POLE: variants seen among roughly 807,000 people sequenced by gnomAD.
POLE encodes the protein DNA polymerase epsilon, catalytic subunit.
Under a neutral mutation model 279.2 loss-of-function variants are expected in POLE, and 188 were observed. That is an observed-to-expected ratio of 0.67 (90% CI 0.60 to 0.76). The LOEUF (loss-of-function observed/expected upper bound fraction) is 0.76, where lower values mean the gene tolerates loss of function less well. POLE is among the 30% of genes least tolerant of loss of function. The pLI is 0.00. For synonymous variants in POLE, 1,214 were observed against 1,172.5 expected (o/e 1.04, Z -0.72); for missense variants, 2,703 against 3,016.7 (o/e 0.90, Z 2.44).
At position 132,641,699 on chromosome 12, in the gene POLE, C is replaced by T. The variant is rs748644914; in HGVS notation, c.5326G>A (p.Ala1776Thr). The T allele has an allele frequency of 6.2e-7, 1 of 1,613,814 alleles. No individual in the cohort carries two copies. The highest frequency in any genetic ancestry group is 8.5e-7 in the Non-Finnish European group (1 of 1,180,020). The stretch of plus-strand genomic sequence containing the variant: ...TCATCGTAGCTGGCCGGGGCACTGG[C>T]AGCCTGACCACCCGTGATCATGTCC... ...LEDMITGGQA[A>T]SAPASYDETA... Residue 1776 changes from alanine (A) to threonine (T), a missense_variant, in exon 39 of 49, where the codon GCC becomes ACC. Ala to Thr is a moderately conservative substitution (Grantham distance 58). Transcript: ENST00000320574.
At chr12:132,643,664 G>A in intron 33 of POLE, 104 bp from the exon 34 acceptor site, 1 of 1,531,914 alleles carries the variant, frequency 6.5e-7, no homozygotes, top group Non-Finnish European at 8.9e-7. Flanking sequence ...CAGCTGCCCG[G>A]CCCACTGCCC....
At position 132,679,555 on chromosome 12, in the gene POLE, C is replaced by A. The variant is rs1250780418; in HGVS notation, c.520G>T (p.Val174Leu). 1 of 1,614,092 alleles carries A rather than the reference C, an allele frequency of 6.2e-7. No homozygotes were observed. The highest frequency in any genetic ancestry group is 8.5e-7 in the Non-Finnish European group (1 of 1,179,940). The change falls in exon 6 of 49, where the codon GTG (valine) becomes TTG (leucine). Residue 174 changes from valine (V) to leucine (L), a missense_variant. Val to Leu is a conservative substitution (Grantham distance 32, BLOSUM62 1). Transcript: ENST00000320574. ...VKVRKEISPA[V>L]KKNREQDHAS... ...TGATCCTGCTCCCTGTTCTTCTTCA[C>A]GGCAGGGGAGATCTCCTTCCTCACT...
Position 132,642,903 on chromosome 12 carries a change from G to A in POLE, c.4645C>T (p.Pro1549Ser), listed in dbSNP as rs147500308. 1.2e-6 allele frequency: 2 copies of A among 1,613,720 alleles called. No individual in the cohort carries two copies. Among genetic ancestry groups the A allele is most frequent in the Non-Finnish European group, 1.7e-6 (2 of 1,179,876 alleles). Residue 1549 changes from proline to serine, a missense_variant, in exon 36 of 49, where the codon CCC becomes TCC. By Grantham distance (74) the Pro-to-Ser change is moderately conservative (BLOSUM62 -1). Around this residue, in one of 5 missense-constraint regions of POLE, gnomAD observed 1,551 missense variants for 1,686.1 expected, o/e 0.92. Transcript: ENST00000320574. ...EKVGPELLPP[P>S]KHTFEVRAET... ...GCCCGAACTTCGAAGGTGTGTTTGGGGGGTGGCAGGAGCTCAGGGCCCACC... is the reference window on the plus strand; with the variant it reads ...GCCCGAACTTCGAAGGTGTGTTTGGAGGGTGGCAGGAGCTCAGGGCCCACC...
At chr12:132,641,928 C>T in intron 38 of POLE, 77 bp from the exon 39 acceptor site, 1 of 1,381,982 alleles carries the variant, frequency 7.2e-7, no homozygotes, top group Non-Finnish European at 1.0e-6. Flanking sequence ...TGACTCCAGC[C>T]ACCACCACCT....
chr12:132,640,112 C>T (rs1387104066), intron 39 of POLE, among the ~76,000 whole-genome samples: 5 of 152,186 alleles, frequency 3.3e-5, no homozygotes, highest in Non-Finnish European at 5.9e-5. Context: ...ACCATTCAGG[C>T]GCTCGCCCGT....
Position 132,642,854 on chromosome 12 carries a change from C to T in POLE, c.4694G>A (p.Cys1565Tyr), listed in dbSNP as rs2138539330. The change falls in exon 36 of 49, where the codon TGC becomes TAC. Residue 1565 changes from cysteine (C) to tyrosine (Y), a missense_variant. Coordinates refer to ENST00000320574, the MANE Select transcript of POLE (RefSeq NM_006231.4). ...GAGCAGGAATCGCTGGATGGCTCTGCAGATGGTCTTCAGGTCAGTTTCTGC... is the reference window on the plus strand; with the variant it reads ...GAGCAGGAATCGCTGGATGGCTCTGTAGATGGTCTTCAGGTCAGTTTCTGC... Reference protein sequence around the residue: ...VRAETDLKTICRAIQRFLLAY... With the variant: ...VRAETDLKTIYRAIQRFLLAY... 6.2e-7 allele frequency: 1 copy of T among 1,614,082 alleles called. No individual in the cohort carries two copies. The highest frequency in any genetic ancestry group is 1.3e-5 in the African/African-American group (1 of 75,060).
intron 41 of POLE, among the ~76,000 whole-genome samples, chr12:132,637,731 GA>G (rs1410405983): frequency 2.6e-5 from 4 of 152,142 alleles, no homozygotes; most frequent in Non-Finnish European, 4.4e-5. Flanking sequence ...TATCCATGGG[GA>G]AAAAAAGCAA....
Position 132,641,806 on chromosome 12 carries a change from A to AG in POLE, c.5218dup (p.Leu1740ProfsTer45). The AG allele has an allele frequency of 6.2e-7, 1 of 1,604,582 alleles. No homozygotes were observed. The highest frequency in any genetic ancestry group is 8.5e-7 in the Non-Finnish European group (1 of 1,179,962). ...CATGTCGTTGACATGGTGAGACTGGAGAATGGTGTTGACGGCCAGGTTCTG... is the reference window on the plus strand; with the variant it reads ...CATGTCGTTGACATGGTGAGACTGGAGGAATGGTGTTGACGGCCAGGTTCTG... On this transcript the variant is annotated frameshift_variant, in exon 39 of 49. Transcript: ENST00000320574. LOFTEE classifies it high-confidence loss of function.
At chr12:132,625,956 T>C (rs1476639478) in intron 46 of POLE, 161 bp downstream of exon 46, 14 of 1,089,830 alleles carry the variant, frequency 1.3e-5, no homozygotes, top group Non-Finnish European at 1.8e-5. Context: ...ATTCCGAACA[T>C]GGTGTGGGGA....
chr12:132,661,453 C>T lies in POLE; in HGVS notation c.2864+74G>A, dbSNP rs2042678837. ...GTTTCTATCCTGGCTCCTGATCCAA[C>T]CTCCTTTCTGGGCTAAATTTAATCT... On this transcript the variant is annotated intron_variant, in intron 24 of 48. Coordinates refer to ENST00000320574, the MANE Select transcript of POLE (RefSeq NM_006231.4). This position sits in a 1 kb window ranked among gnomAD's most constrained non-coding sequence, Gnocchi z 4.1. 2 of 1,516,428 alleles carry T rather than the reference C, an allele frequency of 1.3e-6. No homozygotes were observed. Among genetic ancestry groups the T allele is most frequent in the African/African-American group, 1.4e-5 (1 of 72,316 alleles). 93.9% of individuals were successfully genotyped at this position (1,516,428 alleles called of 1,614,324 possible).
Position 132,624,795 on chromosome 12 carries a change from T to A in POLE, c.6763A>T (p.Ile2255Phe), listed in dbSNP as rs73155056. 4.2e-3 allele frequency: 6,838 copies of A among 1,612,582 alleles called. 40 individuals carry two copies. Among genetic ancestry groups the A allele is most frequent in the Non-Finnish European group, 4.0e-3 (4,729 of 1,178,584 alleles). ...TIHTQVFMEQ[I>F]GIFRNIAQHY... ...TGGGCAATGTTCCGGAATATTCCGATCTGTTCCATGAAGACCTGCAGGAAT... is the reference window on the plus strand; with the variant it reads ...TGGGCAATGTTCCGGAATATTCCGAACTGTTCCATGAAGACCTGCAGGAAT... Residue 2255 changes from isoleucine to phenylalanine, a missense_variant, in exon 49 of 49, where the codon ATC (isoleucine) becomes TTC (phenylalanine). Physicochemically the swap from Ile to Phe is conservative, Grantham distance 21 (BLOSUM62 0). This residue lies in a region of POLE where 1,551 missense variants were observed against 1,686.1 expected (regional missense o/e 0.92). Coordinates refer to ENST00000320574, the MANE Select transcript of POLE (RefSeq NM_006231.4).
At position 132,624,223 on chromosome 12, in the gene POLE, A is replaced by C; in HGVS notation, c.*474T>G. ...GTGGGGCCAGCCCATTTCTCCATGC[A>C]AACAGGTGAGACTCCAGCCCCACCA... On this transcript the variant is annotated 3_prime_UTR_variant, in exon 49 of 49. Transcript: ENST00000320574. 4.3e-6 allele frequency: 1 copy of C among 235,112 alleles called. No individual in the cohort carries two copies. The highest frequency in any genetic ancestry group is 6.3e-5 in the East Asian group (1 of 15,892). The allele number at this position is 235,112 out of a possible 1,614,324, so 14.6% of individuals were successfully genotyped here. A position where few individuals can be genotyped will look rare whatever the true frequency, so the allele number is the denominator to read the frequency against.
Position 132,677,412 on chromosome 12 carries a change from TTTCCTCGGTATCTGA to T in POLE, c.737_751del (p.Val246_Asn251delinsAsp). ...GCGGGTGATTTCTACCGGAAAAGCA[TTTCCTCGGTATCTGA>T]CATTGTACCAATGAGCCTGCAAAAC... is the stretch of plus-strand genomic sequence containing the variant. On this transcript the variant is annotated inframe_deletion, in exon 8 of 49. Coordinates refer to ENST00000320574, the MANE Select transcript of POLE (RefSeq NM_006231.4). 3 of 1,614,162 alleles carry T rather than the reference TTTCCTCGGTATCTGA, an allele frequency of 1.9e-6. No individual in the cohort carries two copies. Among genetic ancestry groups the T allele is most frequent in the Non-Finnish European group, 1.7e-6 (2 of 1,180,004 alleles).
intron 32 of POLE, among the ~76,000 whole-genome samples, chr12:132,647,835 C>G (rs987363370): frequency 6.6e-6 from 1 of 152,150 alleles, no homozygotes; most frequent in Admixed American, 6.5e-5. Context: ...GTCCGCTTTC[C>G]TCTTGTTATC....
chr12:132,648,338 G>C (rs985565722), intron 32 of POLE, among the ~76,000 whole-genome samples: 2 of 151,776 alleles, frequency 1.3e-5, no homozygotes, highest in Admixed American at 1.3e-4. Flanking sequence ...TATCCGAATG[G>C]GGGGGTGAGG....
At chr12:132,625,792 G>GAGGTCACCAGCCCAGCCTCC in intron 46 of POLE, 22 bp from the exon 47 acceptor site, 1 of 1,604,674 alleles carries the variant, frequency 6.2e-7, no homozygotes, top group Non-Finnish European at 8.5e-7. Context: ...AAGAGTGCGA[G>GAGGTCACCAGCCCAGCCTCC]AGGTCACCAG....
intron 47 of POLE, 86 bp downstream of exon 47, chr12:132,625,559 A>ACCTG: frequency 6.5e-7 from 1 of 1,542,468 alleles, no homozygotes; most frequent in Non-Finnish European, 8.8e-7. Flanking sequence ...GTGCCTCAGG[A>ACCTG]CCTGCACACA....
rs2138600543 is a variant in POLE at position 132,649,076 on chromosome 12, A to G, written c.4006-4T>C. 6.2e-7 allele frequency: 1 copy of G among 1,610,682 alleles called. No individual in the cohort carries two copies. The highest frequency in any genetic ancestry group is 1.1e-5 in the South Asian group (1 of 90,906). ...CGGCCTGGCTGGTCTCGCTGATCTGAAAGGCCACACGGACATACAGCACAT... is the reference window on the plus strand; with the variant it reads ...CGGCCTGGCTGGTCTCGCTGATCTGGAAGGCCACACGGACATACAGCACAT... On this transcript the variant is annotated splice_region_variant and splice_polypyrimidine_tract_variant and intron_variant, in intron 31 of 48. Coordinates refer to ENST00000320574, the MANE Select transcript of POLE (RefSeq NM_006231.4).
At chr12:132,640,524 C>T (rs956121689) in intron 39 of POLE, among the ~76,000 whole-genome samples, 3 of 152,270 alleles carry the variant, frequency 2.0e-5, no homozygotes. Flanking sequence ...GACAGCTAGG[C>T]ATTGGCCAGT....
Sources: gnomAD v4.1 joint callset for allele counts (sites outside exome capture counted in the v4.1 genomes callset) on GRCh38, gnomAD v4.1.1 for gene constraint, gnomAD v4.1.1 regional missense constraint, Gnocchi (gnomAD v3.1) non-coding constraint, MANE v1.5 for transcripts, NCBI Gene and HGNC (gene_info 2026-07-23, HGNC 2026-07-21) for gene names.